ZNF469: variants seen among roughly 807,000 people sequenced by gnomAD.
ZNF469 encodes the protein zinc finger protein 469.
ZNF469 carries 1 observed loss-of-function variant against 1.0 expected under a neutral mutation model. The ratio of observed to expected loss-of-function variants is 1.00; its 90% CI spans 0.35 to 4.73. The LOEUF is 4.73. Among genes scored for constraint, ZNF469 ranks in the 30% most tolerant of loss-of-function variants. The pLI, the probability that ZNF469 is intolerant of heterozygous loss-of-function variation, is 0.16. For synonymous variants in ZNF469, 2,703 were observed against 2,363.4 expected (o/e 1.14, Z -4.17); for missense variants, 6,100 against 5,356.3 (o/e 1.14, Z -4.33).
the ZNF469 span, among the ~76,000 whole-genome samples, chr16:88,279,727 G>A: frequency 1.3e-5 from 2 of 151,232 alleles, no homozygotes; most frequent in East Asian, 1.9e-4. Flanking sequence ...TGCACGGTTA[G>A]TGCTGCGCCA....
chr16:88,229,010 T>C, the ZNF469 span, among the ~76,000 whole-genome samples: 2 of 152,184 alleles, frequency 1.3e-5, no homozygotes, highest in African/African-American at 4.8e-5. Context: ...AGGTAAGAGC[T>C]GAGCCATCTG....
Position 88,430,592 on chromosome 16 carries a change from C to G in ZNF469, c.3122C>G (p.Ala1041Gly). The change falls in exon 3 of 3, where the codon GCT becomes GGT. Residue 1041 changes from alanine (A) to glycine (G), a missense_variant. Transcript: ENST00000565624. ...AGGAAGGACCCCAGGAAGAGGAAGGCTCGGGGCGGCGCCTGGGGCAAGGAG... is the reference window on the plus strand; with the variant it reads ...AGGAAGGACCCCAGGAAGAGGAAGGGTCGGGGCGGCGCCTGGGGCAAGGAG... ...PPRKDPRKRK[A>G]RGGAWGKELI... is the part of the protein sequence containing the mutation. The G allele has an allele frequency of 6.7e-7, 1 of 1,503,190 alleles. No individual in the cohort carries two copies. The highest frequency in any genetic ancestry group is 8.8e-7 in the Non-Finnish European group (1 of 1,133,000). 93.1% of individuals were successfully genotyped at this position (1,503,190 alleles called of 1,614,324 possible). A position where few individuals can be genotyped will look rare whatever the true frequency, so the allele number is the denominator to read the frequency against.
the ZNF469 span, among the ~76,000 whole-genome samples, chr16:88,313,373 C>T: frequency 2.0e-5 from 3 of 152,096 alleles, no homozygotes; most frequent in South Asian, 4.1e-4. Context: ...ATTTTTATAC[C>T]TTGTAATTCT....
In ZNF469 at chr16:88,435,456, C is replaced by T. The variant is rs1906502855; in HGVS notation, c.7986C>T (p.Ser2662=). Residue 2662 remains serine, a synonymous_variant, in exon 3 of 3, where the codon TCC becomes TCT. Coordinates refer to ENST00000565624, the MANE Select transcript of ZNF469 (RefSeq NM_001367624.2). ...SADVISDGRG[S]RPSPAMASYA... Reference sequence around the variant, plus strand: ...ATGTGATTTCAGATGGGCGCGGCTCCAGACCATCCCCTGCAATGGCCAGTT... The same window carrying T: ...ATGTGATTTCAGATGGGCGCGGCTCTAGACCATCCCCTGCAATGGCCAGTT... 6.5e-7 allele frequency: 1 copy of T among 1,549,662 alleles called. No individual in the cohort carries two copies. The highest frequency in any genetic ancestry group is 8.7e-7 in the Non-Finnish European group (1 of 1,146,998).
chr16:88,376,125 G>A, the ZNF469 span, among the ~76,000 whole-genome samples: 7 of 152,374 alleles, frequency 4.6e-5, no homozygotes, highest in East Asian at 1.9e-4. Flanking sequence ...CGCTGTTCAC[G>A]GCGCAGCCGG....
chr16:88,104,837 G>C, the ZNF469 span, among the ~76,000 whole-genome samples: 3 of 152,088 alleles, frequency 2.0e-5, no homozygotes, highest in Admixed American at 6.6e-5. Flanking sequence ...CCTCCAGCTA[G>C]ACTTCCTTCA....
the ZNF469 span, among the ~76,000 whole-genome samples, chr16:88,277,503 G>A: frequency 6.8e-6 from 1 of 146,384 alleles, no homozygotes; most frequent in East Asian, 2.0e-4. Context: ...CACTCGGTCA[G>A]TACCGTGTAG....
the ZNF469 span, among the ~76,000 whole-genome samples, chr16:88,321,103 C>T: frequency 2.6e-5 from 4 of 152,246 alleles, no homozygotes; most frequent in African/African-American, 9.6e-5. Context: ...GGCTGCAGAG[C>T]GGCCCAGCCT....
At chr16:88,186,053 C>T in the ZNF469 span, among the ~76,000 whole-genome samples, 1 of 152,234 alleles carries the variant, frequency 6.6e-6, no homozygotes, top group Non-Finnish European at 1.5e-5. Flanking sequence ...GGGGACGAGT[C>T]AAGCCGTCAG....
the ZNF469 span, among the ~76,000 whole-genome samples, chr16:88,300,797 G>A: frequency 6.6e-6 from 1 of 152,172 alleles, no homozygotes; most frequent in African/African-American, 2.4e-5. Flanking sequence ...GGGTGCGGTG[G>A]CTCACGCATG....
At chr16:88,377,796 C>T in the ZNF469 span, among the ~76,000 whole-genome samples, 2 of 152,286 alleles carry the variant, frequency 1.3e-5, no homozygotes, top group Middle Eastern at 3.4e-3. Flanking sequence ...ACCCCTCAAG[C>T]GCTGGCCTGC....
chr16:88,434,545 G>T lies in ZNF469; in HGVS notation c.7075G>T (p.Gly2359Trp). Reference protein sequence around the residue: ...PTEPPTLQGAGPDSPACLEGE... With the variant: ...PTEPPTLQGAWPDSPACLEGE... ...TGAGCCTCCCACGCTACAGGGTGCA[G>T]GGCCGGACTCCCCCGCCTGCCTGGA... is the stretch of plus-strand genomic sequence containing the variant. The change falls in exon 3 of 3, where the codon GGG (glycine) becomes TGG (tryptophan). Residue 2359 changes from glycine (G) to tryptophan (W), a missense_variant. Transcript: ENST00000565624. 1 of 1,550,368 alleles carries T rather than the reference G, an allele frequency of 6.5e-7. No homozygotes were observed. Among genetic ancestry groups the T allele is most frequent in the Non-Finnish European group, 8.7e-7 (1 of 1,146,966 alleles).
the ZNF469 span, among the ~76,000 whole-genome samples, chr16:88,223,587 C>G: frequency 6.6e-6 from 1 of 152,158 alleles, no homozygotes; most frequent in Non-Finnish European, 1.5e-5. Context: ...GAGTGAAGAA[C>G]TCTGAGGAAG....
chr16:88,155,139 G>A, the ZNF469 span, among the ~76,000 whole-genome samples: 1 of 152,234 alleles, frequency 6.6e-6, no homozygotes, highest in Non-Finnish European at 1.5e-5. Flanking sequence ...CAGGTGAGGA[G>A]ATGCAGAGCT....
Position 88,428,651 on chromosome 16 carries a change from C to T in ZNF469, c.1181C>T (p.Thr394Met), listed in dbSNP as rs1031189046. The T allele has an allele frequency of 2.6e-5, 41 of 1,550,142 alleles. No homozygotes were observed. Among genetic ancestry groups the T allele is most frequent in the Non-Finnish European group, 3.3e-5 (38 of 1,146,848 alleles). ...PPSAQDGLGS[T>M]RGPPSSLPQR... Reference sequence around the variant, plus strand: ...TCAGCCCAGGATGGGCTGGGGAGCACGAGAGGGCCCCCTAGCTCCCTACCC... The same window carrying T: ...TCAGCCCAGGATGGGCTGGGGAGCATGAGAGGGCCCCCTAGCTCCCTACCC... The change falls in exon 3 of 3, where the codon ACG (threonine) becomes ATG (methionine). Residue 394 changes from threonine to methionine, a missense_variant. Coordinates refer to ENST00000565624, the MANE Select transcript of ZNF469 (RefSeq NM_001367624.2).
chr16:88,127,582 C>T, the ZNF469 span, among the ~76,000 whole-genome samples: 9 of 152,042 alleles, frequency 5.9e-5, no homozygotes, highest in African/African-American at 1.7e-4. Flanking sequence ...TCAGATACGG[C>T]GAAACCATTT....
intron 1 of ZNF469, among the ~76,000 whole-genome samples, chr16:88,408,945 G>T (rs1217101333): frequency 6.6e-6 from 1 of 152,274 alleles, no homozygotes. Context: ...GCTTTCTGCT[G>T]TATCCTATCC....
chr16:88,224,114 G>A, the ZNF469 span, among the ~76,000 whole-genome samples: 2 of 152,352 alleles, frequency 1.3e-5, no homozygotes, highest in East Asian at 3.9e-4. Context: ...CGGGGCAGGG[G>A]TCTGAAGGGA....
chr16:88,317,507 A>G, the ZNF469 span, among the ~76,000 whole-genome samples: 2 of 152,330 alleles, frequency 1.3e-5, no homozygotes, highest in African/African-American at 4.8e-5. Context: ...CCTGTGGTCC[A>G]GGAGACCCTT....
Sources: allele counts gnomAD v4.1 joint callset (sites outside exome capture counted in the v4.1 genomes callset), GRCh38; gene constraint gnomAD v4.1.1; transcripts MANE v1.5; gene names NCBI Gene and HGNC (gene_info 2026-07-23, HGNC 2026-07-21).